The following OR3A2 variants were observed in gnomAD, a reference collection of about 807,000 sequenced individuals.
OR3A2 encodes olfactory receptor 3A2.
For missense variants in OR3A2, 318 were observed against 392.8 expected (o/e 0.81, Z 1.61); for synonymous variants, 126 against 159.3 (o/e 0.79, Z 1.57).
At chr17:3,321,005 C>T (rs2049117467) in intron 3 of OR3A2, among the ~76,000 whole-genome samples, 1 of 152,112 alleles carries the variant, frequency 6.6e-6, no homozygotes, top group Non-Finnish European at 1.5e-5. Flanking sequence ...TTCTTCCTAC[C>T]CATGAGCATG....
chr17:3,314,630 C>T (rs2067283538), intron 3 of OR3A2, among the ~76,000 whole-genome samples: 1 of 152,154 alleles, frequency 6.6e-6, no homozygotes, highest in Admixed American at 6.5e-5. Flanking sequence ...ACTCCATTTA[C>T]TCTGGTATTA....
At chr17:3,358,386 C>A (rs1048581235) in intron 2 of OR3A2, among the ~76,000 whole-genome samples, 12 of 151,514 alleles carry the variant, frequency 7.9e-5, no homozygotes, top group African/African-American at 2.2e-4. Context: ...AATTTGATAT[C>A]TTTTTAACTT....
At chr17:3,375,263 A>C (rs528500050) in intron 2 of OR3A2, among the ~76,000 whole-genome samples, 2 of 47,642 alleles carry the variant, frequency 4.2e-5, no homozygotes, top group South Asian at 5.5e-4. Flanking sequence ...TTTTTGAGAT[A>C]GTCTCACTTG....
intron 2 of OR3A2, among the ~76,000 whole-genome samples, chr17:3,367,874 C>A (rs939203584): frequency 6.6e-6 from 1 of 151,942 alleles, no homozygotes; most frequent in African/African-American, 2.4e-5. Context: ...AACAGTGTTC[C>A]CTTTTCACCA....
At chr17:3,278,209 G>T in exon 2 of OR3A2, 4 of 1,614,202 alleles carry the variant, frequency 2.5e-6, no homozygotes, top group Non-Finnish European at 3.4e-6. Context: ...GCCTTCTTTC[G>T]GCCCTCCACT....
chr17:3,363,637 T>C (rs1239598386), intron 2 of OR3A2, among the ~76,000 whole-genome samples: 1 of 148,472 alleles, frequency 6.7e-6, no homozygotes, highest in Non-Finnish European at 1.5e-5. Flanking sequence ...TGCTTCCACA[T>C]TTTCAGATAT....
chr17:3,297,975 G>T (rs2048933157), intron 3 of OR3A2, among the ~76,000 whole-genome samples: 1 of 151,932 alleles, frequency 6.6e-6, no homozygotes, highest in Admixed American at 6.6e-5. Context: ...TTTCTTTGTT[G>T]TTCTTCTTTT....
intron 3 of OR3A2, chr17:3,310,908 C>A: frequency 4.2e-6 from 3 of 710,592 alleles, no homozygotes; most frequent in Non-Finnish European, 7.2e-6. Flanking sequence ...TCTCAATGGG[C>A]AGTTGCTGTT....
chr17:3,369,941 C>G (rs1235393234), intron 2 of OR3A2, among the ~76,000 whole-genome samples: 2 of 151,848 alleles, frequency 1.3e-5, no homozygotes, highest in East Asian at 3.9e-4. Flanking sequence ...GTAGCTGGGA[C>G]TACAGGCGCA....
intron 3 of OR3A2, among the ~76,000 whole-genome samples, chr17:3,331,358 G>A (rs1053458874): frequency 5.3e-5 from 8 of 152,060 alleles, no homozygotes; most frequent in African/African-American, 1.7e-4. Context: ...ACACCAATCC[G>A]ACGTAGATTT....
intron 3 of OR3A2, among the ~76,000 whole-genome samples, chr17:3,295,197 C>T (rs2048909807): frequency 6.6e-6 from 1 of 151,924 alleles, no homozygotes; most frequent in Non-Finnish European, 1.5e-5. Context: ...TGTTGATTTC[C>T]TCATCTTCTA....
At position 3,371,901 on chromosome 17, in the gene OR3A2, C is replaced by T. The variant is rs577171132; in HGVS notation, c.-179+11903G>A. Among the ~76,000 whole-genome samples the T allele has an allele frequency of 1.9e-3, 263 of 140,288 alleles. 1 individual carries two copies. Among genetic ancestry groups the T allele is most frequent in the African/African-American group, 5.9e-3 (219 of 37,378 alleles). 92.0% of individuals were successfully genotyped at this position (140,288 alleles called of 152,430 possible). A position where few individuals can be genotyped will look rare whatever the true frequency, so the allele number is the denominator to read the frequency against. On this transcript the variant is annotated intron_variant, in intron 2 of 4. Transcript: ENST00000573491. ...CTGACCCCCCCACCTCCCTCCCGGA[C>T]GGGGCGGCTGGCCGGGCGGGGGCTG...
intron 3 of OR3A2, among the ~76,000 whole-genome samples, chr17:3,299,980 T>C (rs2048949460): frequency 6.6e-6 from 1 of 152,114 alleles, no homozygotes; most frequent in Non-Finnish European, 1.5e-5. Context: ...CTCTTTGACA[T>C]GGCTTTGTTA....
At chr17:3,353,538 CCTT>C (rs1254239523) in intron 2 of OR3A2, among the ~76,000 whole-genome samples, 1 of 151,660 alleles carries the variant, frequency 6.6e-6, no homozygotes, top group Non-Finnish European at 1.5e-5. Context: ...GAGGTATTCT[CCTT>C]CTATATCCAG....
At chr17:3,330,339 G>C (rs934196350) in intron 3 of OR3A2, among the ~76,000 whole-genome samples, 1 of 149,926 alleles carries the variant, frequency 6.7e-6, no homozygotes, top group Non-Finnish European at 1.5e-5. Context: ...ATTAAAGTGT[G>C]GGAGTCTAAG....
chr17:3,386,225 C>A (rs1034495865), exon 1 of OR3A2: 1 of 398,782 alleles, frequency 2.5e-6, no homozygotes, highest in East Asian at 3.6e-5. Context: ...GCGTGCTTTG[C>A]CGAGATGTAC....
chr17:3,314,782 A>G (rs545309297), intron 3 of OR3A2, among the ~76,000 whole-genome samples: 1 of 152,316 alleles, frequency 6.6e-6, no homozygotes, highest in Non-Finnish European at 1.5e-5. Flanking sequence ...TTTGGAGTCC[A>G]GATTCCATCA....
chr17:3,338,460 GA>G lies in OR3A2; in HGVS notation c.-178-2335del, dbSNP rs570944369. Among the ~76,000 whole-genome samples the G allele has an allele frequency of 3.9e-3, 593 of 152,252 alleles. 4 individuals are homozygous for G. The highest frequency in any genetic ancestry group is 0.013 in the African/African-American group (548 of 41,548). Reference sequence around the variant, plus strand: ...AATTAATTTTTGTATAAAGTGTAAGGAAGGGATCCAGTTTCAGCTTTCTACA... The same window carrying G: ...AATTAATTTTTGTATAAAGTGTAAGGAGGGATCCAGTTTCAGCTTTCTACA... On this transcript the variant is annotated intron_variant, in intron 2 of 4. Transcript: ENST00000573491.
chr17:3,351,837 A>G (rs2049422560), intron 2 of OR3A2, among the ~76,000 whole-genome samples: 2 of 152,172 alleles, frequency 1.3e-5, no homozygotes, highest in African/African-American at 4.8e-5. Context: ...AAACAGAGAT[A>G]TAGATCAATG....
Sources: allele counts gnomAD v4.1 joint callset (sites outside exome capture counted in the v4.1 genomes callset), GRCh38; gene constraint gnomAD v4.1.1; transcripts MANE v1.5; gene names NCBI Gene and HGNC (gene_info 2026-07-23, HGNC 2026-07-21).